GPR137B: variants seen among roughly 807,000 people sequenced by gnomAD.
GPR137B encodes G protein-coupled receptor 137B, also known as integral membrane protein GPR137B.
In GPR137B, 42 loss-of-function variants were observed where a neutral mutation model predicts 42.5. The observed-to-expected ratio is 0.99, with a 90% CI of 0.77 to 1.28. GPR137B has a LOEUF of 1.28. Ranked by LOEUF, GPR137B falls within the 50% of genes most tolerant of loss-of-function variation. The pLI, the probability that GPR137B is intolerant of heterozygous loss-of-function variation, is 0.00. For missense variants in GPR137B, 487 were observed against 493.9 expected, an observed-to-expected ratio of 0.99 and a Z score of 0.13; for synonymous variants, 218 against 209.7, an observed-to-expected ratio of 1.04 and a Z score of -0.34.
chr1:236,176,058 C>T (rs1033101887), intron 2 of GPR137B, among the ~76,000 whole-genome samples: 3 of 151,784 alleles, frequency 2.0e-5, no homozygotes, highest in Non-Finnish European at 4.4e-5. Context: ...AGTGGGAGCC[C>T]GGCATGGCAT....
At position 236,207,953 on chromosome 1, in the gene GPR137B, G is replaced by C; in HGVS notation, c.1092-97G>C. On this transcript the variant is annotated intron_variant, in intron 6 of 6. Coordinates refer to ENST00000366592, the MANE Select transcript of GPR137B (RefSeq NM_003272.4). ...TAAAAGAACTTTAGAGTTATCTATA[G>C]TTTACACAAAAATCTCAGCTCTGTC... is the stretch of plus-strand genomic sequence containing the variant. The C allele has an allele frequency of 6.1e-6, 5 of 825,288 alleles. No homozygotes were observed. The South Asian group carries it at 8.3e-5, about 14-fold the overall frequency. The allele number at this position is 825,288 out of a possible 1,614,324, so 51.1% of individuals were successfully genotyped here. A position where few individuals can be genotyped will look rare whatever the true frequency, so the allele number is the denominator to read the frequency against.
intron 5 of GPR137B, among the ~76,000 whole-genome samples, chr1:236,200,580 C>A (rs1013477388): frequency 9.2e-5 from 14 of 151,952 alleles, no homozygotes; most frequent in African/African-American, 3.4e-4. Flanking sequence ...TGGACTGATC[C>A]TTTTATTAAT....
chr1:236,173,334 G>A (rs1218060480), intron 2 of GPR137B, among the ~76,000 whole-genome samples: 1 of 150,062 alleles, frequency 6.7e-6, no homozygotes, highest in East Asian at 2.0e-4. Context: ...AAGGAAGGGA[G>A]GGAGGGAAAG....
In GPR137B at chr1:236,155,588, A is replaced by G. The variant is rs1282921828; in HGVS notation, c.414+12552A>G. ...GGCTGCCTGCTGGGCTGACTTATCAATGTGGGGGCTCAGGGCCACCCTGAG... is the reference window on the plus strand; with the variant it reads ...GGCTGCCTGCTGGGCTGACTTATCAGTGTGGGGGCTCAGGGCCACCCTGAG... On this transcript the variant is annotated intron_variant, in intron 1 of 6. Transcript: ENST00000366592. This position sits in a 1 kb window ranked among gnomAD's most constrained non-coding sequence, Gnocchi z 4.6. Among the ~76,000 whole-genome samples the G allele has an allele frequency of 6.6e-6, 1 of 151,942 alleles. No homozygotes were observed. The highest frequency in any genetic ancestry group is 2.4e-5 in the African/African-American group (1 of 41,386).
At position 236,171,302 on chromosome 1, in the gene GPR137B, A is replaced by G. The variant is rs1232885862; in HGVS notation, c.464+2547A>G. Among the ~76,000 whole-genome samples the G allele has an allele frequency of 2.0e-5, 3 of 152,200 alleles. No homozygotes were observed. Among genetic ancestry groups the G allele is most frequent in the African/African-American group, 7.2e-5 (3 of 41,454 alleles). On this transcript the variant is annotated intron_variant, in intron 2 of 6. Transcript: ENST00000366592. This position sits in a 1 kb window ranked among gnomAD's most constrained non-coding sequence, Gnocchi z 4.4. ...TGGTCAACCTGTATAAAGTACAAGTAGACAGTTCCCTCTCTTCTCCAGTAA... is the reference window on the plus strand; with the variant it reads ...TGGTCAACCTGTATAAAGTACAAGTGGACAGTTCCCTCTCTTCTCCAGTAA...
At position 236,150,773 on chromosome 1, in the gene GPR137B, G is replaced by A. The variant is rs1021694371; in HGVS notation, c.414+7737G>A. Among the ~76,000 whole-genome samples the A allele has an allele frequency of 4.6e-5, 7 of 152,180 alleles. No individual in the cohort carries two copies. The highest frequency in any genetic ancestry group is 1.3e-4 in the Admixed American group (2 of 15,274). On this transcript the variant is annotated intron_variant, in intron 1 of 6. Transcript: ENST00000366592. This position sits in a 1 kb window ranked among gnomAD's most constrained non-coding sequence, Gnocchi z 6.2. ...TTTCCGTAGTCAGACAGGCAGAACT[G>A]GTAGTGACCAGCAGGGAGGCAGGGC...
chr1:236,202,633 A>G (rs1030002822), intron 5 of GPR137B, among the ~76,000 whole-genome samples: 2 of 152,044 alleles, frequency 1.3e-5, no homozygotes, highest in Admixed American at 1.3e-4. Flanking sequence ...AATAGAATAG[A>G]TGAACAGAAT....
rs751533822 is a variant in GPR137B, at chr1:236,142,958, C to T, written c.336C>T (p.Phe112=). 3.7e-6 allele frequency: 6 copies of T among 1,613,968 alleles called. No homozygotes were observed. The African/African-American group carries it at 5.3e-5, about 14-fold the overall frequency. Residue 112 remains phenylalanine, a synonymous_variant, in exon 1 of 7, where the codon TTC becomes TTT. Transcript: ENST00000366592. ...TGGCGGCCAATTCGCTCAGCCCCTT[C>T]GTCTTCTGGCTGCTCTACTGCTTCC... ...DFVAANSLSP[F]VFWLLYCFPV...
Position 236,208,447 on chromosome 1 carries a change from A to G in GPR137B, c.*289A>G, listed in dbSNP as rs1020952289. 1.2e-5 allele frequency: 11 copies of G among 909,964 alleles called. No individual in the cohort carries two copies. Among genetic ancestry groups the G allele is most frequent in the Non-Finnish European group, 1.5e-5 (11 of 728,666 alleles). The allele number at this position is 909,964 out of a possible 1,614,324, so 56.4% of individuals were successfully genotyped here. A position where few individuals can be genotyped will look rare whatever the true frequency, so the allele number is the denominator to read the frequency against. ...ATAACTTAAATAATAATGCTAAAGT[A>G]TACTAGGGTTTTTTTTTCTTGAGAA... On this transcript the variant is annotated 3_prime_UTR_variant, in exon 7 of 7. Transcript: ENST00000366592.
Position 236,169,184 on chromosome 1 carries a change from G to A in GPR137B, c.464+429G>A, listed in dbSNP as rs1484488155. Among the ~76,000 whole-genome samples the A allele has an allele frequency of 6.4e-5, 9 of 141,016 alleles. No homozygotes were observed. The East Asian group carries it at 1.8e-3, about 28-fold the overall frequency. 92.5% of individuals were successfully genotyped at this position (141,016 alleles called of 152,430 possible). A position where few individuals can be genotyped will look rare whatever the true frequency, so the allele number is the denominator to read the frequency against. On this transcript the variant is annotated intron_variant, in intron 2 of 6. Coordinates refer to ENST00000366592, the MANE Select transcript of GPR137B (RefSeq NM_003272.4). ...TCCCATGCTCCCACTGCAGGTGCAG[G>A]TGCAGGTGCAGGTGCAGGTGCAGGT...
At chr1:236,174,511 T>G (rs1452036093) in intron 2 of GPR137B, among the ~76,000 whole-genome samples, 1 of 152,122 alleles carries the variant, frequency 6.6e-6, no homozygotes, top group Non-Finnish European at 1.5e-5. Context: ...GTCAGAGGCA[T>G]GAGACTGTGT....
intron 6 of GPR137B, chr1:236,207,409 C>G (rs1196366574): frequency 3.3e-6 from 1 of 305,094 alleles, no homozygotes; most frequent in Admixed American, 6.5e-5. Flanking sequence ...ACTGCATCTC[C>G]TATTAGTTGC....
At chr1:236,207,741 A>T (rs979352601) in intron 6 of GPR137B, among the ~76,000 whole-genome samples, 1 of 152,152 alleles carries the variant, frequency 6.6e-6, no homozygotes, top group African/African-American at 2.4e-5. Context: ...ACAGGTTGTG[A>T]GCTGTACTCC....
intron 1 of GPR137B, among the ~76,000 whole-genome samples, chr1:236,153,241 C>G (rs1336284400): frequency 2.0e-5 from 3 of 152,142 alleles, no homozygotes; most frequent in Non-Finnish European, 4.4e-5. Flanking sequence ...TTTATCACCC[C>G]CAAAGGAAAC....
chr1:236,144,442 CAA>C (rs1447081923), intron 1 of GPR137B, among the ~76,000 whole-genome samples: 1 of 152,056 alleles, frequency 6.6e-6, no homozygotes, highest in South Asian at 2.1e-4. Flanking sequence ...ACAAAAAAAA[CAA>C]AGTAGGAAAA....
rs1558485730 is a variant in GPR137B at position 236,171,504 on chromosome 1, G to C, written c.464+2749G>C. Among the ~76,000 whole-genome samples the C allele has an allele frequency of 6.6e-6, 1 of 152,160 alleles. No individual in the cohort carries two copies. The highest frequency in any genetic ancestry group is 1.5e-5 in the Non-Finnish European group (1 of 68,032). On this transcript the variant is annotated intron_variant, in intron 2 of 6. Transcript: ENST00000366592. The surrounding 1 kb of genome is among the most constrained non-coding windows in gnomAD (Gnocchi z 4.4). ...GGCTGGGGTAATTAGATGTCTTCTA[G>C]AGGTGGAATATAAAAGCACTGGTCA...
chr1:236,144,017 A>G (rs1661612023), intron 1 of GPR137B, among the ~76,000 whole-genome samples: 1 of 151,594 alleles, frequency 6.6e-6, no homozygotes, highest in Non-Finnish European at 1.5e-5. Context: ...TCACCTGGTG[A>G]GGGTAATTTC....
At chr1:236,187,050 T>G (rs911710853) in intron 5 of GPR137B, among the ~76,000 whole-genome samples, 3 of 152,254 alleles carry the variant, frequency 2.0e-5, no homozygotes, top group African/African-American at 7.2e-5. Context: ...TTCTAACTGC[T>G]GTGAGATGGT....
intron 1 of GPR137B, among the ~76,000 whole-genome samples, chr1:236,163,034 A>G (rs962928995): frequency 2.0e-5 from 3 of 152,226 alleles, no homozygotes; most frequent in African/African-American, 7.2e-5. Flanking sequence ...CCGTGAAAGC[A>G]GCCGGGAGAG....
Sources: gnomAD v4.1 joint callset for allele counts (sites outside exome capture counted in the v4.1 genomes callset) on GRCh38, gnomAD v4.1.1 for gene constraint, Gnocchi (gnomAD v3.1) non-coding constraint, MANE v1.5 for transcripts, NCBI Gene and HGNC (gene_info 2026-07-23, HGNC 2026-07-21) for gene names.